Variants in NFIC observed in about 807,000 individuals in gnomAD.
The protein encoded by NFIC is nuclear factor 1 C-type.
NFIC carries 12 observed loss-of-function variants against 54.4 expected under a neutral mutation model. That is an observed-to-expected ratio of 0.22 (90% CI 0.14 to 0.36). The LOEUF (loss-of-function observed/expected upper bound fraction) is 0.36. Ranked by LOEUF, NFIC falls within the 10% of genes least tolerant of loss-of-function variation. The pLI is 1.00. For synonymous variants in NFIC, 322 were observed against 319.2 expected (o/e 1.01, Z -0.09); for missense variants, 575 against 718.2 (o/e 0.80, Z 2.28).
intron 2 of NFIC, among the ~76,000 whole-genome samples, chr19:3,421,537 G>A (rs1224241145): frequency 1.3e-5 from 2 of 152,222 alleles, no homozygotes; most frequent in African/African-American, 2.4e-5. Context: ...AGATGGCCAC[G>A]GCCGGGGCAG....
chr19:3,451,616 G>A (rs1203548515), intron 7 of NFIC, among the ~76,000 whole-genome samples: 1 of 144,466 alleles, frequency 6.9e-6, no homozygotes, highest in Non-Finnish European at 1.5e-5. Flanking sequence ...GGGTGACAAA[G>A]CGAGATTCTA....
intron 7 of NFIC, among the ~76,000 whole-genome samples, chr19:3,451,495 G>A (rs1417913327): frequency 2.0e-5 from 3 of 151,906 alleles, no homozygotes; most frequent in South Asian, 2.1e-4. Flanking sequence ...TTAACCAGGC[G>A]TGGTGGCACA....
At chr19:3,367,402 C>CCCGGCGCT (rs571149973) in intron 1 of NFIC, among the ~76,000 whole-genome samples, 1,720 of 152,276 alleles carry the variant, frequency 0.011, 35 homozygotes, top group African/African-American at 0.039. Context: ...GAGCGGGAGG[C>CCCGGCGCT]CCGGCGCTCC....
intron 1 of NFIC, among the ~76,000 whole-genome samples, chr19:3,379,131 C>T (rs2081155769): frequency 6.6e-6 from 1 of 152,128 alleles, no homozygotes; most frequent in Non-Finnish European, 1.5e-5. Flanking sequence ...GTGACCTTGG[C>T]TCACTGCAAC....
At chr19:3,408,190 C>T (rs2081687356) in intron 2 of NFIC, among the ~76,000 whole-genome samples, 1 of 152,164 alleles carries the variant, frequency 6.6e-6, no homozygotes, top group South Asian at 2.1e-4. Flanking sequence ...TGAGGTCCAG[C>T]AGATGCCCTG....
In NFIC at chr19:3,375,064, A is replaced by G. The variant is rs143318318; in HGVS notation, c.31-6648A>G. ...GTTAGGGAGGAGGAAGGGAACTCAG[A>G]TCTACGAGGGGCCAGATGAGAAAAG... On this transcript the variant is annotated intron_variant, in intron 1 of 10. Coordinates refer to ENST00000443272, the MANE Select transcript of NFIC (RefSeq NM_001245002.2). The surrounding 1 kb of genome is among the most constrained non-coding windows in gnomAD (Gnocchi z 4.6). Among the ~76,000 whole-genome samples, 39 of 149,152 alleles carry G rather than the reference A, an allele frequency of 2.6e-4. No homozygotes were observed. The East Asian group carries it at 6.9e-3, about 27-fold the overall frequency.
chr19:3,428,886 T>G (rs1333796515), intron 3 of NFIC, among the ~76,000 whole-genome samples: 1 of 148,544 alleles, frequency 6.7e-6, no homozygotes, highest in African/African-American at 2.5e-5. Context: ...CTCTGGCCAC[T>G]TCTCCTGGAC....
In NFIC at chr19:3,418,784, G is replaced by A. The variant is rs192962129; in HGVS notation, c.563-6322G>A. On this transcript the variant is annotated intron_variant, in intron 2 of 10. Transcript: ENST00000443272. ...GAAGATTTGGTTGAAACCAAGAGAC[G>A]GAAGTTGCAGTGAGCCGAGATTGTG... Among the ~76,000 whole-genome samples, 9 of 152,260 alleles carry A rather than the reference G, an allele frequency of 5.9e-5. No individual in the cohort carries two copies. In the East Asian group the frequency reaches 7.7e-4, roughly 13 times the overall value.
intron 6 of NFIC, among the ~76,000 whole-genome samples, chr19:3,437,531 CT>C (rs539281096): frequency 2.4e-4 from 35 of 148,588 alleles, no homozygotes; most frequent in Non-Finnish European, 1.0e-4. Context: ...TTATGAGGTT[CT>C]TTTTTTGTTT....
chr19:3,415,730 C>T (rs1257189621), intron 2 of NFIC, among the ~76,000 whole-genome samples: 1 of 152,152 alleles, frequency 6.6e-6, no homozygotes, highest in Admixed American at 6.6e-5. Context: ...CCCTAGACAG[C>T]AATCTTTGAT....
upstream of NFIC, among the ~76,000 whole-genome samples, chr19:3,361,552 C>T (rs1360278682): frequency 6.8e-6 from 1 of 147,916 alleles, no homozygotes; most frequent in Non-Finnish European, 1.5e-5. Context: ...AAGCCCAAGG[C>T]CAGGCTGGTC....
chr19:3,373,129 G>A (rs1599561843), intron 1 of NFIC, among the ~76,000 whole-genome samples: 1 of 152,314 alleles, frequency 6.6e-6, no homozygotes, highest in Non-Finnish European at 1.5e-5. Flanking sequence ...ACAGGTGTGA[G>A]CCACCGCGCC....
At chr19:3,439,333 C>CAAAAAAAAAAAA (rs539916342) in intron 6 of NFIC, among the ~76,000 whole-genome samples, 3 of 23,326 alleles carry the variant, frequency 1.3e-4, no homozygotes, top group African/African-American at 4.3e-4. Flanking sequence ...GACCCTGTCT[C>CAAAAAAAAAAAA]AAAAAAAAAA....
chr19:3,457,888 G>C (rs546229098), intron 10 of NFIC: 2 of 152,182 alleles, frequency 1.3e-5, no homozygotes, highest in Non-Finnish European at 2.9e-5. Context: ...CCCAGGCTCC[G>C]CAAAACCAGC....
chr19:3,414,670 T>C (rs2081822695), intron 2 of NFIC, among the ~76,000 whole-genome samples: 1 of 151,858 alleles, frequency 6.6e-6, no homozygotes, highest in Non-Finnish European at 1.5e-5. Flanking sequence ...CATACTTAGC[T>C]GACTGTGCAA....
At chr19:3,390,841 G>A (rs1009420891) in intron 2 of NFIC, among the ~76,000 whole-genome samples, 2 of 151,378 alleles carry the variant, frequency 1.3e-5, no homozygotes, top group African/African-American at 4.9e-5. Flanking sequence ...ACAGAAAGTA[G>A]GATGGGGGGT....
chr19:3,445,670 C>T (rs959393617), intron 6 of NFIC, among the ~76,000 whole-genome samples: 24 of 152,214 alleles, frequency 1.6e-4, no homozygotes, highest in African/African-American at 5.8e-4. Flanking sequence ...CATGTCCCCC[C>T]ACAGCTGGGT....
chr19:3,364,822 T>C (rs1397927903), upstream of NFIC, among the ~76,000 whole-genome samples: 1 of 152,178 alleles, frequency 6.6e-6, no homozygotes, highest in Admixed American at 6.5e-5. Context: ...ACTGCAACTT[T>C]TAAATATCTG....
At chr19:3,377,333 C>CAAAAAAAA (rs71164684) in intron 1 of NFIC, among the ~76,000 whole-genome samples, 1 of 57,862 alleles carries the variant, frequency 1.7e-5, no homozygotes, top group African/African-American at 7.3e-5. Context: ...GACTCTGTCT[C>CAAAAAAAA]AAAAAAAAAA....
Sources: gnomAD v4.1 joint callset for allele counts (sites outside exome capture counted in the v4.1 genomes callset) on GRCh38, gnomAD v4.1.1 for gene constraint, Gnocchi (gnomAD v3.1) non-coding constraint, MANE v1.5 for transcripts, NCBI Gene and HGNC (gene_info 2026-07-23, HGNC 2026-07-21) for gene names.